Variants in HPD observed in about 807,000 individuals in gnomAD.
HPD encodes the protein 4-hydroxyphenylpyruvic acid oxidase.
A neutral mutation model predicts 56.9 loss-of-function variants in HPD; 35 were observed. That is an observed-to-expected ratio of 0.62 (90% CI 0.47 to 0.82). The LOEUF is 0.82. Ranked by LOEUF, HPD falls within the 40% of genes least tolerant of loss-of-function variation. HPD has a pLI of 0.00. For synonymous variants in HPD, 186 were observed against 200.2 expected (o/e 0.93, Z 0.60); for missense variants, 442 against 506.8 (o/e 0.87, Z 1.23).
Position 121,843,828 on chromosome 12 carries a change from C to G in HPD, c.836G>C (p.Arg279Pro). 2.5e-6 allele frequency: 4 copies of G among 1,614,046 alleles called. No individual in the cohort carries two copies. Among genetic ancestry groups the G allele is most frequent in the Non-Finnish European group, 3.4e-6 (4 of 1,179,988 alleles). ...LKTEDIITAI[R>P]HLRERGLEFL... Reference sequence around the variant, plus strand: ...CTCCAGGCCTCTCTCTCTCAAGTGGCGAATCTGTTTCAGAGCAAAGCTGAG... The same window carrying G: ...CTCCAGGCCTCTCTCTCTCAAGTGGGGAATCTGTTTCAGAGCAAAGCTGAG... The change falls in exon 12 of 14, where the codon CGC becomes CCC. Residue 279 changes from arginine to proline, a missense_variant. Transcript: ENST00000289004.
the HPD span, among the ~76,000 whole-genome samples, chr12:121,886,145 C>G: frequency 7.0e-6 from 1 of 143,310 alleles, no homozygotes; most frequent in Non-Finnish European, 1.5e-5. Context: ...GTCTCACTCT[C>G]TCGCCCGGGC....
At position 121,856,734 on chromosome 12, in the gene HPD, A is replaced by C. The variant is rs563006013; in HGVS notation, c.199-109T>G. On this transcript the variant is annotated intron_variant, in intron 4 of 13. Transcript: ENST00000289004. ...GAAACACCCCTGATGGAGCACAAGA[A>C]CTCCTGGACCTGGGTTCTAGCTCCT... The C allele has an allele frequency of 4.7e-4, 469 of 999,726 alleles. 4 individuals carry two copies. In the African/African-American group the frequency reaches 7.1e-3, roughly 15 times the overall value. 61.9% of individuals were successfully genotyped at this position (999,726 alleles called of 1,614,324 possible).
chr12:121,853,512 C>T (rs1877880646), intron 7 of HPD, among the ~76,000 whole-genome samples: 1 of 151,354 alleles, frequency 6.6e-6, no homozygotes, highest in South Asian at 2.1e-4. Context: ...GTCCCAGCTA[C>T]TCGGGAGGCT....
the HPD span, among the ~76,000 whole-genome samples, chr12:121,886,860 AT>A: frequency 6.6e-6 from 1 of 152,092 alleles, no homozygotes. Context: ...CATGTATTGC[AT>A]TTAGTCATTA....
At chr12:121,877,682 G>C in the HPD span, among the ~76,000 whole-genome samples, 2 of 152,062 alleles carry the variant, frequency 1.3e-5, no homozygotes, top group Admixed American at 1.3e-4. Flanking sequence ...GCAGTAAGCT[G>C]AGATCGTGCC....
the HPD span, among the ~76,000 whole-genome samples, chr12:121,873,783 G>A: frequency 4.7e-5 from 7 of 148,284 alleles, no homozygotes; most frequent in African/African-American, 1.8e-4. Flanking sequence ...TCGCGCCACT[G>A]CACTCCAGCC....
At chr12:121,857,921 A>G (rs1878066102) in intron 2 of HPD, 102 bp from the exon 3 acceptor site, 1 of 875,586 alleles carries the variant, frequency 1.1e-6, no homozygotes, top group South Asian at 1.4e-5. Flanking sequence ...TCCAGCCTCA[A>G]CCACAGAACT....
chr12:121,883,496 G>C, the HPD span, among the ~76,000 whole-genome samples: 2 of 151,768 alleles, frequency 1.3e-5, no homozygotes, highest in Admixed American at 6.6e-5. Flanking sequence ...GCAGTCACAG[G>C]ATAGAGGTTT....
chr12:121,871,448 CA>C, the HPD span, among the ~76,000 whole-genome samples: 30 of 152,266 alleles, frequency 2.0e-4, no homozygotes, highest in Admixed American at 6.5e-4. Flanking sequence ...GACTCCCAAA[CA>C]GGCAGAACTA....
intron 12 of HPD, among the ~76,000 whole-genome samples, chr12:121,842,443 T>C (rs1425250325): frequency 6.6e-6 from 1 of 151,828 alleles, no homozygotes; most frequent in Non-Finnish European, 1.5e-5. Context: ...ACTGTTTTTG[T>C]TTTTCTTTTA....
At position 121,848,490 on chromosome 12, in the gene HPD, T is replaced by C. The variant is rs531545400; in HGVS notation, c.596+509A>G. On this transcript the variant is annotated intron_variant, in intron 9 of 13. Transcript: ENST00000289004. ...CCACACCCAGCTAATTTTTGTATTT[T>C]TAGTAGAGACCGGGGTTCGCCATGT... Among the ~76,000 whole-genome samples, 9 of 152,140 alleles carry C rather than the reference T, an allele frequency of 5.9e-5. No homozygotes were observed. The East Asian group carries it at 1.7e-3, about 29-fold the overall frequency.
At chr12:121,877,922 T>C in the HPD span, among the ~76,000 whole-genome samples, 1 of 152,146 alleles carries the variant, frequency 6.6e-6, no homozygotes, top group Non-Finnish European at 1.5e-5. Context: ...AATCCTTTGA[T>C]TTGAAGATTG....
chr12:121,866,279 G>C (rs142676599), upstream of HPD, among the ~76,000 whole-genome samples: 3,389 of 149,592 alleles, frequency 0.023, 127 homozygotes, highest in East Asian at 0.13. Context: ...CCAGCCTGGG[G>C]GACACAGCGA....
chr12:121,852,622 C>CTT (rs1176954964), intron 7 of HPD, among the ~76,000 whole-genome samples: 827 of 70,496 alleles, frequency 0.012, 102 homozygotes, highest in East Asian at 0.016. Context: ...TCATTGGATC[C>CTT]TTTTTTTTTT....
chr12:121,887,511 C>T, the HPD span, among the ~76,000 whole-genome samples: 1 of 152,052 alleles, frequency 6.6e-6, no homozygotes, highest in Non-Finnish European at 1.5e-5. Context: ...CCTGGGATTA[C>T]AGGTGTGTGC....
chr12:121,877,749 T>TAAA, the HPD span, among the ~76,000 whole-genome samples: 1 of 151,172 alleles, frequency 6.6e-6, no homozygotes, highest in African/African-American at 2.4e-5. Context: ...ATAATAATAA[T>TAAA]AAACAGAAGA....
Position 121,849,064 on chromosome 12 carries a change from A to T in HPD, c.531T>A (p.Ser177Arg). The change falls in exon 9 of 14, where the codon AGT becomes AGA. Residue 177 changes from serine (S) to arginine (R), a missense_variant. Physicochemically the swap from Ser to Arg is moderately radical, Grantham distance 110. Coordinates refer to ENST00000289004, the MANE Select transcript of HPD (RefSeq NM_002150.3). Reference sequence around the variant, plus strand: ...CCACAATGTGGTCGATCATCTCCAGACTGCATTTGGGCCTGGGAAGGGAAG... The same window carrying T: ...CCACAATGTGGTCGATCATCTCCAGTCTGCATTTGGGCCTGGGAAGGGAAG... Reference protein sequence around the residue: ...DPLLPKLPKCSLEMIDHIVGN... With the variant: ...DPLLPKLPKCRLEMIDHIVGN... 6.2e-7 allele frequency: 1 copy of T among 1,613,552 alleles called. No homozygotes were observed. The highest frequency in any genetic ancestry group is 8.5e-7 in the Non-Finnish European group (1 of 1,179,684).
intron 11 of HPD, 80 bp downstream of exon 11, chr12:121,846,782 C>G: frequency 7.3e-7 from 1 of 1,370,426 alleles, no homozygotes. Flanking sequence ...AGGACTGCCG[C>G]CACCCGCCCT....
chr12:121,878,550 T>C, the HPD span, among the ~76,000 whole-genome samples: 1 of 152,188 alleles, frequency 6.6e-6, no homozygotes, highest in Non-Finnish European at 1.5e-5. Flanking sequence ...GGTTTTGCCA[T>C]GTTGGCCAGG....
Sources: gnomAD v4.1 joint callset for allele counts (sites outside exome capture counted in the v4.1 genomes callset) on GRCh38, gnomAD v4.1.1 for gene constraint, MANE v1.5 for transcripts, NCBI Gene and HGNC (gene_info 2026-07-23, HGNC 2026-07-21) for gene names.